EXT1: variants seen among roughly 807,000 people sequenced by gnomAD.
EXT1 encodes the protein exostosin-1.
Under a neutral mutation model 82.5 loss-of-function variants are expected in EXT1, and 20 were observed. That is an observed-to-expected ratio of 0.24 (90% CI 0.17 to 0.35). The LOEUF is 0.35. EXT1 is among the 10% of genes least tolerant of loss of function. EXT1 has a pLI of 1.00. For missense variants in EXT1, 757 were observed against 936.5 expected (o/e 0.81, Z 2.50); for synonymous variants, 348 against 350.8 (o/e 0.99, Z 0.09).
At chr8:118,014,134 G>A (rs1815959876) in intron 1 of EXT1, among the ~76,000 whole-genome samples, 1 of 152,154 alleles carries the variant, frequency 6.6e-6, no homozygotes, top group African/African-American at 2.4e-5. Flanking sequence ...CATTTATTAA[G>A]TGCTCAACAA....
At chr8:118,094,157 A>G (rs1370418926) in intron 1 of EXT1, among the ~76,000 whole-genome samples, 3 of 152,240 alleles carry the variant, frequency 2.0e-5, no homozygotes, top group African/African-American at 7.2e-5. Flanking sequence ...AGGCAGGAAC[A>G]AGACCTCTGT....
chr8:117,870,666 G>A (rs1327533514), intron 1 of EXT1, among the ~76,000 whole-genome samples: 1 of 152,052 alleles, frequency 6.6e-6, no homozygotes, highest in Non-Finnish European at 1.5e-5. Context: ...CAGAGTAGGA[G>A]GCCTCTTCCT....
intron 1 of EXT1, among the ~76,000 whole-genome samples, chr8:117,911,656 G>A (rs952717331): frequency 1.3e-5 from 2 of 152,100 alleles, no homozygotes; most frequent in Non-Finnish European, 2.9e-5. Flanking sequence ...CTTATTCTGC[G>A]AGCTTGTAAA....
At position 117,936,694 on chromosome 8, in the gene EXT1, G is replaced by A. The variant is rs138326299; in HGVS notation, c.963-99493C>T. On this transcript the variant is annotated intron_variant, in intron 1 of 10. Transcript: ENST00000378204. ...TTTTGAGACCAGCCTGGCCAACATA[G>A]TGAAACGCTGTCTCTACTAAAAATA... is the stretch of plus-strand genomic sequence containing the variant. 3.4e-3 allele frequency among the ~76,000 whole-genome samples: 512 copies of A among 152,266 alleles called. 1 individual carries two copies. Among genetic ancestry groups the A allele is most frequent in the African/African-American group, 0.011 (476 of 41,558 alleles).
At chr8:117,927,616 T>C (rs987574787) in intron 1 of EXT1, among the ~76,000 whole-genome samples, 1 of 152,112 alleles carries the variant, frequency 6.6e-6, no homozygotes, top group Admixed American at 6.6e-5. Context: ...ATCTTAGTCA[T>C]AACAGCAAAA....
chr8:117,930,146 C>T (rs1159308354), intron 1 of EXT1, among the ~76,000 whole-genome samples: 1 of 151,872 alleles, frequency 6.6e-6, no homozygotes, highest in East Asian at 1.9e-4. Flanking sequence ...GAAGAGTTTG[C>T]CAAATGGGTG....
At chr8:117,858,121 A>C (rs1176761167) in intron 1 of EXT1, among the ~76,000 whole-genome samples, 3 of 152,244 alleles carry the variant, frequency 2.0e-5, no homozygotes, top group African/African-American at 7.2e-5. Flanking sequence ...TTGAGATGGA[A>C]TCTACTCCTG....
At chr8:117,899,691 G>T (rs900327875) in intron 1 of EXT1, among the ~76,000 whole-genome samples, 8 of 152,168 alleles carry the variant, frequency 5.3e-5, no homozygotes, top group South Asian at 2.1e-4. Context: ...CATCTCAAAG[G>T]CCCTCAAGGC....
At chr8:117,842,586 A>G (rs17452722) in intron 1 of EXT1, among the ~76,000 whole-genome samples, 1 of 152,260 alleles carries the variant, frequency 6.6e-6, no homozygotes, top group African/African-American at 2.4e-5. Flanking sequence ...TTATTATGGT[A>G]AATTATATCA....
Position 118,093,497 on chromosome 8 carries a change from T to C in EXT1, c.962+16588A>G, listed in dbSNP as rs113179016. Among the ~76,000 whole-genome samples the C allele has an allele frequency of 3.7e-3, 568 of 152,286 alleles. 5 individuals are homozygous for C. Among genetic ancestry groups the C allele is most frequent in the African/African-American group, 0.011 (447 of 41,560 alleles). On this transcript the variant is annotated intron_variant, in intron 1 of 10. Transcript: ENST00000378204. Reference sequence around the variant, plus strand: ...TGTTAGAGAACCCTCTGTATAATTCTGTAATGTATAAGAAGAATTTAATCC... The same window carrying C: ...TGTTAGAGAACCCTCTGTATAATTCCGTAATGTATAAGAAGAATTTAATCC...
At chr8:117,917,849 G>A (rs1813783807) in intron 1 of EXT1, among the ~76,000 whole-genome samples, 1 of 152,078 alleles carries the variant, frequency 6.6e-6, no homozygotes, top group African/African-American at 2.4e-5. Context: ...ACTCATTCAG[G>A]CACTGCTGAC....
At chr8:117,817,045 T>C (rs138686638) in intron 7 of EXT1, among the ~76,000 whole-genome samples, 102 of 152,298 alleles carry the variant, frequency 6.7e-4, no homozygotes, top group Non-Finnish European at 1.3e-3. Flanking sequence ...TGAGATTGAT[T>C]TGTGAGAGAG....
At chr8:117,973,879 AGGAAAGGAAG>A (rs1563617657) in intron 1 of EXT1, among the ~76,000 whole-genome samples, 5 of 98,378 alleles carry the variant, frequency 5.1e-5, no homozygotes, top group African/African-American at 8.2e-5. Context: ...AGGAAAGGAA[AGGAAAGGAAG>A]GAAAGGAAAG....
chr8:117,848,035 GA>G (rs1461766908), intron 1 of EXT1, among the ~76,000 whole-genome samples: 3 of 152,042 alleles, frequency 2.0e-5, no homozygotes, highest in Admixed American at 1.3e-4. Flanking sequence ...CTTTGGTACC[GA>G]ATACACAAAC....
intron 1 of EXT1, among the ~76,000 whole-genome samples, chr8:117,864,748 C>CA (rs34215192): frequency 0.2 from 17,417 of 87,660 alleles, 1,652 homozygotes; most frequent in Non-Finnish European, 0.25. Context: ...GACTCTGCCT[C>CA]AAAAAAAAAA....
At chr8:118,004,766 C>T (rs1815740576) in intron 1 of EXT1, among the ~76,000 whole-genome samples, 3 of 152,210 alleles carry the variant, frequency 2.0e-5, no homozygotes, top group Admixed American at 6.5e-5. Context: ...AGTCCACCCA[C>T]ATTCTCCATG....
rs71530886 is a variant in EXT1, at chr8:117,858,750, A to C, written c.963-21549T>G. 4.3e-3 allele frequency among the ~76,000 whole-genome samples: 245 copies of C among 56,952 alleles called. 5 individuals carry two copies. Among genetic ancestry groups the C allele is most frequent in the African/African-American group, 5.0e-3 (84 of 16,762 alleles). The allele number at this position is 56,952 out of a possible 152,430, so 37.4% of individuals were successfully genotyped here. ...GAAGGAAGGAAGGAAGGAAGGAAGG[A>C]AGGAAGGAAGGAAGGAAGGCAGGCA... On this transcript the variant is annotated intron_variant, in intron 1 of 10. Coordinates refer to ENST00000378204, the MANE Select transcript of EXT1 (RefSeq NM_000127.3).
intron 1 of EXT1, among the ~76,000 whole-genome samples, chr8:118,043,695 C>T (rs1220183127): frequency 6.6e-6 from 1 of 152,236 alleles, no homozygotes; most frequent in Non-Finnish European, 1.5e-5. Flanking sequence ...TTATGGAAAA[C>T]TCATTCTGCA....
At chr8:118,101,061 T>G (rs534641480) in intron 1 of EXT1, among the ~76,000 whole-genome samples, 1 of 152,324 alleles carries the variant, frequency 6.6e-6, no homozygotes, top group Admixed American at 6.5e-5. Context: ...CCTCTGTTGT[T>G]GATTAGGAAA....
Sources: allele counts gnomAD v4.1 joint callset (sites outside exome capture counted in the v4.1 genomes callset), GRCh38; gene constraint gnomAD v4.1.1; transcripts MANE v1.5; gene names NCBI Gene and HGNC (gene_info 2026-07-23, HGNC 2026-07-21).